The following TNRC6B variants were observed in gnomAD, a reference collection of about 807,000 sequenced individuals.
The protein encoded by TNRC6B is trinucleotide repeat-containing gene 6B protein.
In TNRC6B, 52 loss-of-function variants were observed where a neutral mutation model predicts 203.6. That is an observed-to-expected ratio of 0.26 (90% CI 0.20 to 0.32). The LOEUF (loss-of-function observed/expected upper bound fraction) is 0.32, where lower values mean the gene tolerates loss of function less well. Among genes scored for constraint, TNRC6B ranks in the 10% least tolerant of loss-of-function variants. TNRC6B has a pLI of 1.00. For missense variants in TNRC6B, 1,923 were observed against 2,286.2 expected (o/e 0.84, Z 3.24); for synonymous variants, 838 against 845.7 (o/e 0.99, Z 0.16).
upstream of TNRC6B, among the ~76,000 whole-genome samples, chr22:40,177,202 G>A (rs1381147332): frequency 2.6e-5 from 4 of 152,182 alleles, no homozygotes; most frequent in Admixed American, 6.5e-5. Context: ...ACCTCCTGCG[G>A]TGGGGGAGGG....
At chr22:40,143,792 G>A (rs769276885) in intron 3 of TNRC6B, among the ~76,000 whole-genome samples, 9 of 152,080 alleles carry the variant, frequency 5.9e-5, no homozygotes, top group Non-Finnish European at 1.0e-4. Context: ...CACTGTGCCC[G>A]GCCTGGAATA....
chr22:40,174,856 TCCTTA>T (rs1237230035), upstream of TNRC6B, among the ~76,000 whole-genome samples: 1 of 151,934 alleles, frequency 6.6e-6, no homozygotes, highest in Non-Finnish European at 1.5e-5. Context: ...TTTCTTTGTG[TCCTTA>T]CCTTACAATA....
At chr22:40,138,365 A>C (rs1397989699) in intron 3 of TNRC6B, among the ~76,000 whole-genome samples, 1 of 152,242 alleles carries the variant, frequency 6.6e-6, no homozygotes, top group Non-Finnish European at 1.5e-5. Flanking sequence ...TCCCAGGCTC[A>C]GGAGATTCTC....
At chr22:40,077,071 G>A (rs963577998) in intron 1 of TNRC6B, among the ~76,000 whole-genome samples, 1 of 147,472 alleles carries the variant, frequency 6.8e-6, no homozygotes, top group African/African-American at 2.5e-5. Context: ...GAAAAGAAAA[G>A]AGAGAAGAGG....
intron 15 of TNRC6B, among the ~76,000 whole-genome samples, chr22:40,306,374 T>C (rs2071088021): frequency 6.6e-6 from 1 of 152,248 alleles, no homozygotes; most frequent in Non-Finnish European, 1.5e-5. Flanking sequence ...AGAAAATTAA[T>C]GTGTAAGGAA....
At chr22:40,056,797 CAA>C (rs35657644) in intron 1 of TNRC6B, among the ~76,000 whole-genome samples, 55 of 91,908 alleles carry the variant, frequency 6.0e-4, no homozygotes, top group Admixed American at 1.5e-3. Flanking sequence ...CACCCTGTCT[CAA>C]AAAAAAAAAA....
chr22:40,270,789 G>A (rs1045468405), intron 6 of TNRC6B, among the ~76,000 whole-genome samples: 5 of 152,142 alleles, frequency 3.3e-5, no homozygotes, highest in Admixed American at 6.5e-5. Context: ...AATGTTTAAG[G>A]TGAATTAAAA....
chr22:40,290,702 C>T (rs184995442), intron 12 of TNRC6B, among the ~76,000 whole-genome samples: 1 of 152,220 alleles, frequency 6.6e-6, no homozygotes, highest in African/African-American at 2.4e-5. Flanking sequence ...GTCTTTTCTC[C>T]CTCTCTGCCC....
At chr22:40,219,744 C>T (rs2069682878) in intron 1 of TNRC6B, among the ~76,000 whole-genome samples, 1 of 152,198 alleles carries the variant, frequency 6.6e-6, no homozygotes, top group South Asian at 2.1e-4. Flanking sequence ...GTCCCCCCTT[C>T]CCTCACCTTA....
chr22:40,331,703 G>A lies in TNRC6B; in HGVS notation c.*8462G>A, dbSNP rs994080715. Reference sequence around the variant, plus strand: ...AAAAGTCCCACATGTGGTCATCGTCGCTTCTTTATGTTGTAAGGTGAATTG... The same window carrying A: ...AAAAGTCCCACATGTGGTCATCGTCACTTCTTTATGTTGTAAGGTGAATTG... On this transcript the variant is annotated 3_prime_UTR_variant, in exon 23 of 23. Coordinates refer to ENST00000454349, the MANE Select transcript of TNRC6B (RefSeq NM_001162501.2). 3.3e-5 allele frequency: 11 copies of A among 338,374 alleles called. No homozygotes were observed. Among genetic ancestry groups the A allele is most frequent in the East Asian group, 1.6e-4 (4 of 25,014 alleles). The allele number at this position is 338,374 out of a possible 1,614,324, so 21.0% of individuals were successfully genotyped here.
At chr22:40,182,504 T>C (rs2069147483) in intron 1 of TNRC6B, among the ~76,000 whole-genome samples, 2 of 152,170 alleles carry the variant, frequency 1.3e-5, no homozygotes, top group African/African-American at 2.4e-5. Flanking sequence ...AGAAAAGGGA[T>C]TTATTTAACT....
rs548705070 is a variant in TNRC6B, at chr22:40,231,379, A to G, written c.6-14636A>G. On this transcript the variant is annotated intron_variant, in intron 1 of 22. Coordinates refer to ENST00000454349, the MANE Select transcript of TNRC6B (RefSeq NM_001162501.2). The stretch of plus-strand genomic sequence containing the variant: ...ATATTAAGTCTTTTCATTCATGAGC[A>G]TGGTACATCTCTTCACTTACGTAGG... Among the ~76,000 whole-genome samples the G allele has an allele frequency of 5.9e-5, 9 of 152,332 alleles. 1 individual carries two copies. The South Asian group carries it at 1.2e-3, about 21-fold the overall frequency.
At chr22:40,217,872 G>A (rs1327220941) in intron 1 of TNRC6B, among the ~76,000 whole-genome samples, 1 of 151,488 alleles carries the variant, frequency 6.6e-6, no homozygotes, top group Non-Finnish European at 1.5e-5. Flanking sequence ...CTACTCAGGA[G>A]GCTGAGGCAG....
intron 1 of TNRC6B, among the ~76,000 whole-genome samples, chr22:40,211,566 C>G (rs922158956): frequency 1.3e-5 from 2 of 152,116 alleles, no homozygotes; most frequent in African/African-American, 4.8e-5. Flanking sequence ...CAACCTAAAC[C>G]CAGCTCACAC....
chr22:40,186,801 T>C (rs1311928884), intron 1 of TNRC6B, among the ~76,000 whole-genome samples: 1 of 152,042 alleles, frequency 6.6e-6, no homozygotes, highest in Admixed American at 6.6e-5. Context: ...ATATCGACTT[T>C]ATTTATGTAA....
chr22:40,104,798 T>C (rs1386605229), intron 1 of TNRC6B, among the ~76,000 whole-genome samples: 2 of 152,196 alleles, frequency 1.3e-5, no homozygotes, highest in Non-Finnish European at 2.9e-5. Context: ...ATATGTTTAC[T>C]CATTTAATCT....
chr22:40,286,770 AT>A (rs2070789248), intron 12 of TNRC6B, among the ~76,000 whole-genome samples: 1 of 152,120 alleles, frequency 6.6e-6, no homozygotes, highest in Admixed American at 6.5e-5. Context: ...AAGGTGAGAG[AT>A]TTGTGTTAGT....
chr22:40,322,658 C>T (rs1272349394), intron 22 of TNRC6B, among the ~76,000 whole-genome samples, 196 bp from the exon 23 acceptor site: 1 of 152,100 alleles, frequency 6.6e-6, no homozygotes, highest in Non-Finnish European at 1.5e-5. Flanking sequence ...AATTACCTGG[C>T]GGTCTGGTTG....
chr22:40,185,364 CT>C (rs2069186989), intron 1 of TNRC6B, among the ~76,000 whole-genome samples: 1 of 152,188 alleles, frequency 6.6e-6, no homozygotes, highest in South Asian at 2.1e-4. Flanking sequence ...GTGCAAGGTG[CT>C]GTTCAGTGCT....
Sources: allele counts gnomAD v4.1 joint callset (sites outside exome capture counted in the v4.1 genomes callset), GRCh38; gene constraint gnomAD v4.1.1; transcripts MANE v1.5; gene names NCBI Gene and HGNC (gene_info 2026-07-23, HGNC 2026-07-21).